KLF13: variants seen among roughly 807,000 people sequenced by gnomAD.
KLF13 encodes KLF transcription factor 13, also known as Krueppel-like factor 13.
A neutral mutation model predicts 16.7 loss-of-function variants in KLF13; 8 were observed. The observed-to-expected ratio is 0.48, with a 90% CI of 0.28 to 0.87. The LOEUF (loss-of-function observed/expected upper bound fraction) is 0.87, where lower values mean the gene tolerates loss of function less well. Among genes scored for constraint, KLF13 ranks in the 40% least tolerant of loss-of-function variants. The pLI is 0.10. For synonymous variants in KLF13, 245 were observed against 208.4 expected (o/e 1.18, Z -1.51); for missense variants, 447 against 452.2 (o/e 0.99, Z 0.10).
Position 31,420,681 on chromosome 15 carries a change from CT to C in KLF13, n.118-14680del, listed in dbSNP as rs369292996. Reference sequence around the variant, plus strand: ...CCTGACCCAGGCTGCCCAGACTGTCCTTTTTTTTTCTTTCTTTTTTTTTTTT... The same window carrying C: ...CCTGACCCAGGCTGCCCAGACTGTCCTTTTTTTTCTTTCTTTTTTTTTTTT... On this transcript the variant is annotated intron_variant and non_coding_transcript_variant, in intron 1 of 1. Transcript: ENST00000558225. 8.8e-4 allele frequency: 274 copies of C among 309,632 alleles called. 1 individual carries two copies. The highest frequency in any genetic ancestry group is 1.5e-3 in the African/African-American group (65 of 44,412). 19.2% of individuals were successfully genotyped at this position (309,632 alleles called of 1,614,324 possible). A position where few individuals can be genotyped will look rare whatever the true frequency, so the allele number is the denominator to read the frequency against.
intron 1 of KLF13, among the ~76,000 whole-genome samples, chr15:31,346,730 C>T (rs937517295): frequency 1.3e-4 from 20 of 152,260 alleles, no homozygotes; most frequent in African/African-American, 3.9e-4. Flanking sequence ...ACCTGTGCCT[C>T]GAAATCTTTC....
chr15:31,340,632 G>A (rs962385661), intron 1 of KLF13, among the ~76,000 whole-genome samples: 3 of 152,238 alleles, frequency 2.0e-5, no homozygotes, highest in Non-Finnish European at 4.4e-5. Context: ...GGTAGCTCAT[G>A]CCTGTAATCC....
Position 31,372,322 on chromosome 15 carries a change from C to CT in KLF13, c.*23_*24insT, listed in dbSNP as rs1423357199. On this transcript the variant is annotated 3_prime_UTR_variant, in exon 2 of 2. Transcript: ENST00000307145. ...TGAGCCCGCCACAGCCATGAGCAGC[C>CT]GCTCCCACCCCCTCGTGAGTCCCTG... The CT allele has an allele frequency of 6.9e-7, 1 of 1,443,258 alleles. No individual in the cohort carries two copies. Among genetic ancestry groups the CT allele is most frequent in the African/African-American group, 1.4e-5 (1 of 69,572 alleles). The allele number at this position is 1,443,258 out of a possible 1,614,324, so 89.4% of individuals were successfully genotyped here. A position where few individuals can be genotyped will look rare whatever the true frequency, so the allele number is the denominator to read the frequency against.
At chr15:31,385,473 G>A (rs750610776) in intron 1 of KLF13, among the ~76,000 whole-genome samples, 6 of 152,224 alleles carry the variant, frequency 3.9e-5, no homozygotes, top group Non-Finnish European at 7.3e-5. Context: ...CCTTGAACAA[G>A]TCTATTGGTG....
At chr15:31,343,342 A>T (rs1595459070) in intron 1 of KLF13, among the ~76,000 whole-genome samples, 1 of 152,350 alleles carries the variant, frequency 6.6e-6, no homozygotes, top group Non-Finnish European at 1.5e-5. Context: ...CCCAGCCGTA[A>T]GGCGGGATGC....
chr15:31,397,132 C>T (rs569501006), intron 2 of KLF13, among the ~76,000 whole-genome samples: 1 of 151,554 alleles, frequency 6.6e-6, no homozygotes, highest in Admixed American at 6.6e-5. Flanking sequence ...GGAACATTTG[C>T]CAGGGGTCAT....
At position 31,431,472 on chromosome 15, in the gene KLF13, AT is replaced by A. The variant is rs895751067; in HGVS notation, n.118-3887del. On this transcript the variant is annotated intron_variant and non_coding_transcript_variant, in intron 1 of 1. Coordinates refer to the KLF13 transcript ENST00000558225. ...CAAATGCCTACAGCAACATGGTTAA[AT>A]TTTTTTTTTTAGACAGAGTCTCCCT... Among the ~76,000 whole-genome samples, 694 of 148,788 alleles carry A rather than the reference AT, an allele frequency of 4.7e-3. 5 individuals are homozygous for A. The highest frequency in any genetic ancestry group is 0.015 in the African/African-American group (629 of 40,766).
At chr15:31,360,302 C>A (rs1187307494) in intron 1 of KLF13, among the ~76,000 whole-genome samples, 2 of 152,154 alleles carry the variant, frequency 1.3e-5, no homozygotes, top group Non-Finnish European at 2.9e-5. Context: ...AGAGGGTGGG[C>A]TTTGTCTCCT....
At chr15:31,419,865 T>A (rs571642512) in intron 1 of KLF13, among the ~76,000 whole-genome samples, 2 of 152,128 alleles carry the variant, frequency 1.3e-5, no homozygotes, top group South Asian at 4.1e-4. Flanking sequence ...CACTGAGACA[T>A]ATTGTAATCA....
At chr15:31,380,899 C>T (rs540400037), downstream of KLF13, among the ~76,000 whole-genome samples, 1 of 152,294 alleles carries the variant, frequency 6.6e-6, no homozygotes, top group African/African-American at 2.4e-5. Context: ...GCTGGCTGGG[C>T]ACAGTGGCTT....
intron 1 of KLF13, among the ~76,000 whole-genome samples, chr15:31,431,287 T>A (rs1346160607): frequency 1.3e-5 from 2 of 152,124 alleles, no homozygotes; most frequent in Non-Finnish European, 2.9e-5. Context: ...GCTTGTTGTT[T>A]AAGCCATCCA....
chr15:31,412,508 G>A (rs1181948284), intron 1 of KLF13, among the ~76,000 whole-genome samples: 8 of 151,850 alleles, frequency 5.3e-5, no homozygotes, highest in African/African-American at 7.3e-5. Flanking sequence ...TAATAAAAGA[G>A]TTTAGCTAGG....
chr15:31,430,857 G>A (rs2040463600), intron 1 of KLF13, among the ~76,000 whole-genome samples: 1 of 152,154 alleles, frequency 6.6e-6, no homozygotes, highest in Admixed American at 6.5e-5. Flanking sequence ...GAAGTCATAG[G>A]CACTCAGAAC....
At chr15:31,361,860 G>A (rs1326814583) in intron 1 of KLF13, among the ~76,000 whole-genome samples, 1 of 146,098 alleles carries the variant, frequency 6.8e-6, no homozygotes, top group Non-Finnish European at 1.5e-5. Flanking sequence ...GGCCCAAGAG[G>A]CCTTTCCATA....
At chr15:31,341,735 C>T (rs898007847) in intron 1 of KLF13, among the ~76,000 whole-genome samples, 2 of 152,134 alleles carry the variant, frequency 1.3e-5, no homozygotes, top group African/African-American at 4.8e-5. Flanking sequence ...TGCTGGGTCA[C>T]TTTCCAGGAT....
chr15:31,333,160 C>T (rs902984219), intron 1 of KLF13, among the ~76,000 whole-genome samples: 1 of 152,342 alleles, frequency 6.6e-6, no homozygotes, highest in East Asian at 1.9e-4. Flanking sequence ...ATCAAGCTAT[C>T]TAATCTTCAC....
At chr15:31,355,246 C>T (rs1046580413) in intron 1 of KLF13, among the ~76,000 whole-genome samples, 1 of 152,144 alleles carries the variant, frequency 6.6e-6, no homozygotes, top group African/African-American at 2.4e-5. Context: ...CCCTCACCTC[C>T]CCTGAGCAGA....
At chr15:31,333,340 T>C (rs1328743270) in intron 1 of KLF13, among the ~76,000 whole-genome samples, 2 of 152,232 alleles carry the variant, frequency 1.3e-5, no homozygotes, top group African/African-American at 4.8e-5. Context: ...GTGTACCTGC[T>C]GTGTCCTACT....
intron 1 of KLF13, among the ~76,000 whole-genome samples, chr15:31,344,158 GC>G (rs1566808105): frequency 6.6e-6 from 1 of 152,226 alleles, no homozygotes; most frequent in Non-Finnish European, 1.5e-5. Flanking sequence ...ACCACCCTGA[GC>G]CTGTCACTCC....
Sources: allele counts gnomAD v4.1 joint callset (sites outside exome capture counted in the v4.1 genomes callset), GRCh38; gene constraint gnomAD v4.1.1; transcripts MANE v1.5; gene names NCBI Gene and HGNC (gene_info 2026-07-23, HGNC 2026-07-21).